The following ZNF792 variants were observed in gnomAD, a reference collection of about 807,000 sequenced individuals.
ZNF792 encodes the protein zinc finger protein 792.
Under a neutral mutation model 13.1 loss-of-function variants are expected in ZNF792, and 14 were observed. The observed-to-expected ratio is 1.07, with a 90% CI of 0.71 to 1.67. The LOEUF (loss-of-function observed/expected upper bound fraction) is 1.67, where lower values mean the gene tolerates loss of function less well. Among genes scored for constraint, ZNF792 ranks in the 40% most tolerant of loss-of-function variants. ZNF792 has a pLI of 0.00. For synonymous variants in ZNF792, 257 were observed against 292.0 expected (o/e 0.88, Z 1.22); for missense variants, 740 against 807.9 (o/e 0.92, Z 1.02).
Position 34,963,789 on chromosome 19 carries a change from G to A in ZNF792, c.-127C>T. 1 of 1,081,370 alleles carries A rather than the reference G, an allele frequency of 9.2e-7. No individual in the cohort carries two copies. The highest frequency in any genetic ancestry group is 1.3e-6 in the Non-Finnish European group (1 of 766,520). 67.0% of individuals were successfully genotyped at this position (1,081,370 alleles called of 1,614,324 possible). ...GACGAGGTGTGACCCCGGGCTGAGGGTCGCACTCCTAGCCTCAGTCTCCCC... is the reference window on the plus strand; with the variant it reads ...GACGAGGTGTGACCCCGGGCTGAGGATCGCACTCCTAGCCTCAGTCTCCCC... On this transcript the variant is annotated 5_prime_UTR_variant, in exon 1 of 4. Transcript: ENST00000404801.
At position 34,963,881 on chromosome 19, in the gene ZNF792, G is replaced by A. The variant is rs1387397565; in HGVS notation, c.-219C>T. 1 of 551,986 alleles carries A rather than the reference G, an allele frequency of 1.8e-6. No individual in the cohort carries two copies. The highest frequency in any genetic ancestry group is 3.6e-5 in the Admixed American group (1 of 27,712). 34.2% of individuals were successfully genotyped at this position (551,986 alleles called of 1,614,324 possible). A position where few individuals can be genotyped will look rare whatever the true frequency, so the allele number is the denominator to read the frequency against. On this transcript the variant is annotated 5_prime_UTR_variant, in exon 1 of 4. Coordinates refer to ENST00000404801, the MANE Select transcript of ZNF792 (RefSeq NM_175872.5). The stretch of plus-strand genomic sequence containing the variant: ...GCGCCGAGAGCGCGCAGCTCCGCTG[G>A]GTACCCCCGTTGCAAGGGGTCACGG...
At chr19:34,960,757 G>C in intron 2 of ZNF792, 111 bp downstream of exon 2, 1 of 1,525,086 alleles carries the variant, frequency 6.6e-7, no homozygotes, top group South Asian at 1.1e-5. Context: ...AGGAAAGTGG[G>C]GATGGAAGCA....
intron 1 of ZNF792, among the ~76,000 whole-genome samples, chr19:34,963,109 C>T (rs879312723): frequency 6.6e-6 from 1 of 152,104 alleles, no homozygotes; most frequent in Non-Finnish European, 1.5e-5. Context: ...GCTTGCGGCT[C>T]ACTCCATATT....
In ZNF792 at chr19:34,961,340, G is replaced by A. The variant is rs554452491; in HGVS notation, c.34-346C>T. Among the ~76,000 whole-genome samples the A allele has an allele frequency of 2.0e-5, 3 of 152,210 alleles. No individual in the cohort carries two copies. The East Asian group carries it at 5.8e-4, about 29-fold the overall frequency. On this transcript the variant is annotated intron_variant, in intron 1 of 3. Transcript: ENST00000404801. ...ACAGCTCATACTCCCTCCCACGTGCGTTTCACTCTTTGGACTGCACCACCC... is the reference window on the plus strand; with the variant it reads ...ACAGCTCATACTCCCTCCCACGTGCATTTCACTCTTTGGACTGCACCACCC...
chr19:34,959,904 A>T (rs1049272069), intron 3 of ZNF792, among the ~76,000 whole-genome samples: 1 of 152,226 alleles, frequency 6.6e-6, no homozygotes, highest in Non-Finnish European at 1.5e-5. Flanking sequence ...ATCTAGACCC[A>T]GCAAAACCTG....
intron 2 of ZNF792, chr19:34,960,613 T>C: frequency 1.5e-6 from 1 of 679,996 alleles, no homozygotes; most frequent in Non-Finnish European, 2.4e-6. Flanking sequence ...TCAGAGGTAG[T>C]CACACAGCTA....
chr19:34,960,859 C>T lies in ZNF792; in HGVS notation c.160+9G>A. On this transcript the variant is annotated intron_variant, in intron 2 of 3. Coordinates refer to ENST00000404801, the MANE Select transcript of ZNF792 (RefSeq NM_175872.5). ...GCTCGGGACACCGGGGTAGGGGTGACAGCCTTACCCAGCGAGGCTATAAGT... is the reference window on the plus strand; with the variant it reads ...GCTCGGGACACCGGGGTAGGGGTGATAGCCTTACCCAGCGAGGCTATAAGT... 1.9e-6 allele frequency: 3 copies of T among 1,613,982 alleles called. No homozygotes were observed. Among genetic ancestry groups the T allele is most frequent in the East Asian group, 2.2e-5 (1 of 44,878 alleles).
In ZNF792 at chr19:34,956,356, G is replaced by C. The variant is rs1250686013; in HGVS notation, c.*1600C>G. 1 of 152,132 alleles carries C rather than the reference G, an allele frequency of 6.6e-6. No homozygotes were observed. The highest frequency in any genetic ancestry group is 1.5e-5 in the Non-Finnish European group (1 of 68,030). 9.4% of individuals were successfully genotyped at this position (152,132 alleles called of 1,614,324 possible). A position where few individuals can be genotyped will look rare whatever the true frequency, so the allele number is the denominator to read the frequency against. ...GCATGAAAGAAACCAGACCAAAAGA[G>C]AGTATAAATACTTTATGATTCCAAT... On this transcript the variant is annotated 3_prime_UTR_variant, in exon 4 of 4. Coordinates refer to ENST00000404801, the MANE Select transcript of ZNF792 (RefSeq NM_175872.5).
At chr19:34,961,643 GGCA>G (rs2013529418) in intron 1 of ZNF792, among the ~76,000 whole-genome samples, 1 of 152,020 alleles carries the variant, frequency 6.6e-6, no homozygotes, top group Admixed American at 6.5e-5. Context: ...AGCCACCCAC[GGCA>G]CACATGGATG....
In ZNF792 at chr19:34,959,173, A is replaced by G; in HGVS notation, c.682T>C (p.Cys228Arg). Residue 228 changes from cysteine to arginine, a missense_variant, in exon 4 of 4, where the codon TGT (cysteine) becomes CGT (arginine). Cys to Arg is a radical substitution (Grantham distance 180). Coordinates refer to ENST00000404801, the MANE Select transcript of ZNF792 (RefSeq NM_175872.5). ...TCCCCATCGCTGGGAGTGACCTCAC[A>G]CTGCAGAAACCCTGCTGTGGCCACA... ...DFVATAGFLQ[C>R]EVTPSDGEPH... The G allele has an allele frequency of 1.2e-6, 2 of 1,613,988 alleles. No homozygotes were observed. Among genetic ancestry groups the G allele is most frequent in the Non-Finnish European group, 1.7e-6 (2 of 1,179,868 alleles).
At chr19:34,962,062 C>T (rs2013536101) in intron 1 of ZNF792, among the ~76,000 whole-genome samples, 2 of 152,148 alleles carry the variant, frequency 1.3e-5, no homozygotes, top group South Asian at 4.1e-4. Context: ...TTTATGATGC[C>T]AAACAAGCCA....
chr19:34,961,610 TC>T (rs1426648182), intron 1 of ZNF792, among the ~76,000 whole-genome samples: 5 of 151,872 alleles, frequency 3.3e-5, no homozygotes, highest in Admixed American at 6.6e-5. Flanking sequence ...GCCCCCTAGC[TC>T]CCCTGGCCTG....
In ZNF792 at chr19:34,957,723, G is replaced by T; in HGVS notation, c.*233C>A. Reference sequence around the variant, plus strand: ...TAAACCAGCCATACAGGGCGGGAATGACATCTTCCCAAGGCTTCAGACTAC... The same window carrying T: ...TAAACCAGCCATACAGGGCGGGAATTACATCTTCCCAAGGCTTCAGACTAC... On this transcript the variant is annotated 3_prime_UTR_variant, in exon 4 of 4. Transcript: ENST00000404801. 1 of 481,678 alleles carries T rather than the reference G, an allele frequency of 2.1e-6. No individual in the cohort carries two copies. Among genetic ancestry groups the T allele is most frequent in the East Asian group, 3.3e-5 (1 of 30,266 alleles). The allele number at this position is 481,678 out of a possible 1,614,324, so 29.8% of individuals were successfully genotyped here. A position where few individuals can be genotyped will look rare whatever the true frequency, so the allele number is the denominator to read the frequency against.
chr19:34,960,941 C>A lies in ZNF792; in HGVS notation c.87G>T (p.Val29=), dbSNP rs755492137. The part of the protein sequence containing the change: ...VTIYFSQEEW[V]LLDEAQRLLY... ...GGAGTCTCTGAGCCTCATCGAGGAG[C>A]ACCCACTCCTCCTGGGAGAAGTAAA... is the stretch of plus-strand genomic sequence containing the variant. The change falls in exon 2 of 4, where the codon GTG becomes GTT. Residue 29 remains valine, a synonymous_variant. Coordinates refer to ENST00000404801, the MANE Select transcript of ZNF792 (RefSeq NM_175872.5). 6.2e-7 allele frequency: 1 copy of A among 1,614,000 alleles called. No individual in the cohort carries two copies. Among genetic ancestry groups the A allele is most frequent in the South Asian group, 1.1e-5 (1 of 91,076 alleles).
In ZNF792 at chr19:34,959,149, C is replaced by T; in HGVS notation, c.706G>A (p.Glu236Lys). ...ACACCTTCGGTGGCCTCGTGCGGCT[C>T]CCCATCGCTGGGAGTGACCTCACAC... ...LQCEVTPSDGEPHEATEGVVD... is the reference protein window; with the variant it reads ...LQCEVTPSDGKPHEATEGVVD... The change falls in exon 4 of 4, where the codon GAG (glutamate) becomes AAG (lysine). Residue 236 changes from glutamate (E) to lysine (K), a missense_variant. Coordinates refer to ENST00000404801, the MANE Select transcript of ZNF792 (RefSeq NM_175872.5). 6.2e-7 allele frequency: 1 copy of T among 1,613,842 alleles called. No individual in the cohort carries two copies. The highest frequency in any genetic ancestry group is 8.5e-7 in the Non-Finnish European group (1 of 1,179,716).
chr19:34,958,034 C>T lies in ZNF792; in HGVS notation c.1821G>A (p.Glu607=). 1 of 1,613,030 alleles carries T rather than the reference C, an allele frequency of 6.2e-7. No individual in the cohort carries two copies. The highest frequency in any genetic ancestry group is 8.5e-7 in the Non-Finnish European group (1 of 1,179,486). The change falls in exon 4 of 4, where the codon GAG becomes GAA. Residue 607 remains glutamate, a synonymous_variant. Coordinates refer to ENST00000404801, the MANE Select transcript of ZNF792 (RefSeq NM_175872.5). ...TGACAGCGCCCTGATAAGGTCTGTT[C>T]TCAGAGCTTATCTCTGGTGTGTGCT... ...CSQHTPEISS[E]NRPYQGAVNY...
chr19:34,960,678 TG>T (rs1026024544), intron 2 of ZNF792, 189 bp downstream of exon 2: 2 of 872,960 alleles, frequency 2.3e-6, no homozygotes, highest in Non-Finnish European at 3.5e-6. Flanking sequence ...GCAGCAGGTG[TG>T]GGGGCAGCTC....
At position 34,958,688 on chromosome 19, in the gene ZNF792, C is replaced by A. The variant is rs139829391; in HGVS notation, c.1167G>T (p.Thr389=). Residue 389 remains threonine, a synonymous_variant, in exon 4 of 4, where the codon ACG becomes ACT. Transcript: ENST00000404801. ...SNLIHHKRVH[T]GRSAHECSEC... ...CACTGCACTCATGGGCACTTCTGCCCGTATGAACCCTCTTATGATGAATGA... is the reference window on the plus strand; with the variant it reads ...CACTGCACTCATGGGCACTTCTGCCAGTATGAACCCTCTTATGATGAATGA... 1 of 1,613,892 alleles carries A rather than the reference C, an allele frequency of 6.2e-7. No individual in the cohort carries two copies. The highest frequency in any genetic ancestry group is 8.5e-7 in the Non-Finnish European group (1 of 1,179,948).
At chr19:34,960,728 A>G in intron 2 of ZNF792, 140 bp downstream of exon 2, 2 of 1,322,092 alleles carry the variant, frequency 1.5e-6, no homozygotes, top group Non-Finnish European at 2.1e-6. Context: ...TCAGCCCCAG[A>G]AGCCACAACA....
Sources: gnomAD v4.1 joint callset for allele counts (sites outside exome capture counted in the v4.1 genomes callset) on GRCh38, gnomAD v4.1.1 for gene constraint, MANE v1.5 for transcripts, NCBI Gene and HGNC (gene_info 2026-07-23, HGNC 2026-07-21) for gene names.